CCN5: variants seen among roughly 807,000 people sequenced by gnomAD.
CCN5 encodes CCN family member 5.
Under a neutral mutation model 18.7 loss-of-function variants are expected in CCN5, and 17 were observed. The observed-to-expected ratio is 0.91, with a 90% CI of 0.62 to 1.36. CCN5 has a LOEUF of 1.36. CCN5 is among the 40% of genes most tolerant of loss of function. The pLI is 0.00. For synonymous variants in CCN5, 135 were observed against 145.2 expected (o/e 0.93, Z 0.50); for missense variants, 367 against 342.9 (o/e 1.07, Z -0.56).
intron 3 of CCN5, 85 bp downstream of exon 3, chr20:44,725,077 C>T (rs1486534501): frequency 1.4e-5 from 20 of 1,429,908 alleles, no homozygotes; most frequent in Admixed American, 3.0e-5. Context: ...GGGCGGCTTC[C>T]TGGGTACCAG....
intron 1 of CCN5, chr20:44,716,570 A>G (rs1340765046): frequency 6.6e-6 from 1 of 152,362 alleles, no homozygotes; most frequent in East Asian, 1.9e-4. Flanking sequence ...GGGGCCCAGG[A>G]TTATACGAGA....
Position 44,727,101 on chromosome 20 carries a change from G to A in CCN5, c.547G>A (p.Gly183Ser). Residue 183 changes from glycine (G) to serine (S), a missense_variant, in exon 4 of 4, where the codon GGC becomes AGC. By Grantham distance (56) the Gly-to-Ser change is moderately conservative (BLOSUM62 0). Coordinates refer to ENST00000190983, the MANE Select transcript of CCN5 (RefSeq NM_003881.4). Reference sequence around the variant, plus strand: ...TTCCCCCCTAGGACCCCAGTTTTCTGGCCTTGTCTCTTCCCTGCCCCCTGG... The same window carrying A: ...TTCCCCCCTAGGACCCCAGTTTTCTAGCCTTGTCTCTTCCCTGCCCCCTGG... ...PLPAQGPQFSGLVSSLPPGVP... is the reference protein window; with the variant it reads ...PLPAQGPQFSSLVSSLPPGVP... 6.3e-7 allele frequency: 1 copy of A among 1,592,992 alleles called. No individual in the cohort carries two copies. Among genetic ancestry groups the A allele is most frequent in the Non-Finnish European group, 8.6e-7 (1 of 1,167,520 alleles).
Position 44,724,872 on chromosome 20 carries a change from G to A in CCN5, c.412G>A (p.Val138Met), listed in dbSNP as rs1454137244. 1.3e-6 allele frequency: 2 copies of A among 1,595,442 alleles called. No homozygotes were observed. Among genetic ancestry groups the A allele is most frequent in the East Asian group, 4.5e-5 (2 of 44,274 alleles). Reference protein sequence around the residue: ...FTCVPLCSEDVRLPSWDCPHP... With the variant: ...FTCVPLCSEDMRLPSWDCPHP... Reference sequence around the variant, plus strand: ...CTGCGTGCCGCTGTGCAGCGAGGATGTGCGGCTGCCCAGCTGGGACTGCCC... The same window carrying A: ...CTGCGTGCCGCTGTGCAGCGAGGATATGCGGCTGCCCAGCTGGGACTGCCC... The change falls in exon 3 of 4, where the codon GTG (valine) becomes ATG (methionine). Residue 138 changes from valine (V) to methionine (M), a missense_variant. Transcript: ENST00000190983.
chr20:44,724,424 TTA>T, intron 2 of CCN5: 1 of 429,164 alleles, frequency 2.3e-6, no homozygotes, highest in Non-Finnish European at 4.2e-6. Context: ...ATAAGTACCA[TTA>T]TATCCCAGCT....
In CCN5 at chr20:44,720,430, G is replaced by A. The variant is rs561937066; in HGVS notation, c.277+317G>A. Reference sequence around the variant, plus strand: ...CCCCCCCAGATTCTTCAAACCAGATGCCACCACTCCCTTCTCAGGATCCTT... The same window carrying A: ...CCCCCCCAGATTCTTCAAACCAGATACCACCACTCCCTTCTCAGGATCCTT... On this transcript the variant is annotated intron_variant, in intron 2 of 3. Coordinates refer to ENST00000190983, the MANE Select transcript of CCN5 (RefSeq NM_003881.4). The A allele has an allele frequency of 4.5e-4, 199 of 445,638 alleles. 2 individuals carry two copies. In the South Asian group the frequency reaches 5.5e-3, roughly 12 times the overall value. The allele number at this position is 445,638 out of a possible 1,614,324, so 27.6% of individuals were successfully genotyped here.
intron 1 of CCN5, among the ~76,000 whole-genome samples, chr20:44,719,568 C>A (rs769140772): frequency 2.0e-5 from 3 of 152,172 alleles, no homozygotes; most frequent in Non-Finnish European, 2.9e-5. Context: ...GCACGAGAGT[C>A]GCTTGAACCC....
At position 44,724,960 on chromosome 20, in the gene CCN5, G is replaced by T; in HGVS notation, c.500G>T (p.Gly167Val). 6.3e-7 allele frequency: 1 copy of T among 1,594,132 alleles called. No individual in the cohort carries two copies. The highest frequency in any genetic ancestry group is 1.7e-5 in the Admixed American group (1 of 57,450). The change falls in exon 3 of 4, where the codon GGG (glycine) becomes GTG (valine). Residue 167 changes from glycine to valine, a missense_variant. Gly to Val is a moderately radical substitution (Grantham distance 109, BLOSUM62 -3). Coordinates refer to ENST00000190983, the MANE Select transcript of CCN5 (RefSeq NM_003881.4). The part of the protein sequence containing the change: ...CCPEWVCGQG[G>V]GLGTQPLPAQ... ...CCTGAGTGGGTGTGCGGCCAAGGAG[G>T]GGGACTGGGGACCCAGCCCCTTCCA...
intron 3 of CCN5, among the ~76,000 whole-genome samples, chr20:44,725,684 A>T (rs1342342313): frequency 6.6e-6 from 1 of 150,874 alleles, no homozygotes; most frequent in African/African-American, 2.4e-5. Flanking sequence ...TAATATATTG[A>T]TACATATTAA....
At chr20:44,720,255 G>A (rs577224490) in intron 2 of CCN5, 142 bp downstream of exon 2, 2 of 919,796 alleles carry the variant, frequency 2.2e-6, no homozygotes, top group East Asian at 5.3e-5. Flanking sequence ...GCTGAACTTG[G>A]TGTCCCAAAG....
chr20:44,724,563 G>A, intron 2 of CCN5, 175 bp from the exon 3 acceptor site: 1 of 932,508 alleles, frequency 1.1e-6, no homozygotes, highest in Non-Finnish European at 1.6e-6. Context: ...GGGATCCAGG[G>A]TGCCCCAGCA....
intron 2 of CCN5, chr20:44,724,485 G>A: frequency 1.9e-6 from 1 of 537,528 alleles, no homozygotes; most frequent in Admixed American, 3.9e-5. Context: ...CTTGGCCCAG[G>A]TTCACAGCTA....
At chr20:44,723,120 C>T (rs114116423) in intron 2 of CCN5, among the ~76,000 whole-genome samples, 4,301 of 152,128 alleles carry the variant, frequency 0.028, 195 homozygotes, top group African/African-American at 0.098. Flanking sequence ...TCTCCTCCTG[C>T]TCTCTGCTCC....
At chr20:44,717,647 T>C (rs2065868723) in intron 1 of CCN5, among the ~76,000 whole-genome samples, 2 of 151,350 alleles carry the variant, frequency 1.3e-5, no homozygotes, top group Admixed American at 6.6e-5. Context: ...GAGGCCGAGG[T>C]GGGTGGATCA....
At position 44,727,527 on chromosome 20, in the gene CCN5, C is replaced by T; in HGVS notation, c.*220C>T. 2.9e-6 allele frequency: 4 copies of T among 1,389,424 alleles called. No individual in the cohort carries two copies. The highest frequency in any genetic ancestry group is 3.7e-6 in the Non-Finnish European group (4 of 1,068,894). 86.1% of individuals were successfully genotyped at this position (1,389,424 alleles called of 1,614,324 possible). On this transcript the variant is annotated 3_prime_UTR_variant, in exon 4 of 4. Transcript: ENST00000190983. Reference sequence around the variant, plus strand: ...CAAGACCTAGTCCCCTTTCCTCTAACTCACTGCCTAGGAGGCTGGCCAAGG... The same window carrying T: ...CAAGACCTAGTCCCCTTTCCTCTAATTCACTGCCTAGGAGGCTGGCCAAGG...
chr20:44,724,800 C>A lies in CCN5; in HGVS notation c.340C>A (p.Gln114Lys), dbSNP rs1247993496. 20 of 1,612,352 alleles carry A rather than the reference C, an allele frequency of 1.2e-5. No homozygotes were observed. The highest frequency in any genetic ancestry group is 1.7e-5 in the Non-Finnish European group (20 of 1,179,840). The change falls in exon 3 of 4, where the codon CAG (glutamine) becomes AAG (lysine). Residue 114 changes from glutamine to lysine, a missense_variant. Coordinates refer to ENST00000190983, the MANE Select transcript of CCN5 (RefSeq NM_003881.4). ...CCTGTATCGGGAAGGGGAGACCTTCCAGCCCCACTGCAGCATCCGCTGCCG... is the reference window on the plus strand; with the variant it reads ...CCTGTATCGGGAAGGGGAGACCTTCAAGCCCCACTGCAGCATCCGCTGCCG... ...GRLYREGETF[Q>K]PHCSIRCRCE... is the part of the protein sequence containing the mutation.
chr20:44,715,327 A>AGCT, upstream of CCN5: 2 of 1,529,778 alleles, frequency 1.3e-6, no homozygotes, highest in Non-Finnish European at 1.8e-6. Context: ...GTGACCTCAC[A>AGCT]GCTGCCGGAA....
chr20:44,715,473 A>G (rs758865473), intron 1 of CCN5, 23 bp downstream of exon 1: 1 of 1,579,252 alleles, frequency 6.3e-7, no homozygotes, highest in South Asian at 1.2e-5. Flanking sequence ...GGGCCCTGGA[A>G]TGCACTGCTG....
At chr20:44,718,480 G>A (rs1374913262) in intron 1 of CCN5, among the ~76,000 whole-genome samples, 1 of 152,174 alleles carries the variant, frequency 6.6e-6, no homozygotes, top group Non-Finnish European at 1.5e-5. Context: ...GCCACTGGAA[G>A]CATCTTGAAT....
intron 1 of CCN5, among the ~76,000 whole-genome samples, chr20:44,718,252 G>A (rs554737448): frequency 7.2e-5 from 11 of 152,326 alleles, no homozygotes; most frequent in South Asian, 6.2e-4. Flanking sequence ...GGGAGTTGCC[G>A]GGAACTGAAA....
Sources: gnomAD v4.1 joint callset for allele counts (sites outside exome capture counted in the v4.1 genomes callset) on GRCh38, gnomAD v4.1.1 for gene constraint, MANE v1.5 for transcripts, NCBI Gene and HGNC (gene_info 2026-07-23, HGNC 2026-07-21) for gene names.